Variants in KANSL2 observed in about 807,000 individuals in gnomAD.
KANSL2 encodes NSL complex protein NSL2.
Under a neutral mutation model 55.6 loss-of-function variants are expected in KANSL2, and 34 were observed. The ratio of observed to expected loss-of-function variants is 0.61; its 90% CI spans 0.46 to 0.81. The LOEUF is 0.81. Among genes scored for constraint, KANSL2 ranks in the 40% least tolerant of loss-of-function variants. The pLI, the probability that KANSL2 is intolerant of heterozygous loss-of-function variation, is 0.00. For synonymous variants in KANSL2, 209 were observed against 214.3 expected (o/e 0.98, Z 0.22); for missense variants, 502 against 609.9 (o/e 0.82, Z 1.86).
At chr12:48,664,253 G>A (rs548802156) in intron 7 of KANSL2, among the ~76,000 whole-genome samples, 3 of 147,074 alleles carry the variant, frequency 2.0e-5, no homozygotes, top group Admixed American at 7.0e-5. Flanking sequence ...TCTGCCCATA[G>A]CCTCTGCCCA....
rs11547851 is a variant in KANSL2 at position 48,679,679 on chromosome 12, G to A, written c.406C>T (p.Arg136Cys). 7 of 1,613,494 alleles carry A rather than the reference G, an allele frequency of 4.3e-6. No homozygotes were observed. Among genetic ancestry groups the A allele is most frequent in the East Asian group, 2.2e-5 (1 of 44,880 alleles). Reference sequence around the variant, plus strand: ...CCTAGTATTCGGCTGGCTTCACTGCGACTACTTTCTGGAGTCTGAGACCCC... The same window carrying A: ...CCTAGTATTCGGCTGGCTTCACTGCAACTACTTTCTGGAGTCTGAGACCCC... ...ELGSQTPESS[R>C]SEASRILDED... Residue 136 changes from arginine to cysteine, a missense_variant, in exon 3 of 10, where the codon CGC (arginine) becomes TGC (cysteine). Coordinates refer to ENST00000420613, the MANE Select transcript of KANSL2 (RefSeq NM_017822.4).
chr12:48,669,730 C>T (rs1370503383), intron 5 of KANSL2, among the ~76,000 whole-genome samples: 2 of 151,772 alleles, frequency 1.3e-5, no homozygotes, highest in Non-Finnish European at 2.9e-5. Flanking sequence ...ATTGTGGTCT[C>T]GATCTCCTGA....
intron 8 of KANSL2, among the ~76,000 whole-genome samples, 178 bp downstream of exon 8, chr12:48,660,188 T>C (rs1236519367): frequency 2.0e-5 from 3 of 152,108 alleles, no homozygotes; most frequent in Non-Finnish European, 4.4e-5. Flanking sequence ...TGGAAAAAAA[T>C]ATAAGGTAGG....
rs1359154266 is a variant in KANSL2 at position 48,679,993 on chromosome 12, C to T, written c.252-160G>A. ...AGGAATTTAACTGGCCCAAGGTCAACTCATTTGACTTTATTAAAGGGAAAT... is the reference window on the plus strand; with the variant it reads ...AGGAATTTAACTGGCCCAAGGTCAATTCATTTGACTTTATTAAAGGGAAAT... On this transcript the variant is annotated intron_variant, in intron 2 of 9. Coordinates refer to ENST00000420613, the MANE Select transcript of KANSL2 (RefSeq NM_017822.4). The T allele has an allele frequency of 6.4e-6, 4 of 625,070 alleles. No individual in the cohort carries two copies. The African/African-American group carries it at 7.4e-5, about 12-fold the overall frequency. 38.7% of individuals were successfully genotyped at this position (625,070 alleles called of 1,614,324 possible).
chr12:48,680,409 C>G (rs1939900213), intron 2 of KANSL2, among the ~76,000 whole-genome samples: 1 of 152,090 alleles, frequency 6.6e-6, no homozygotes, highest in Admixed American at 6.6e-5. Flanking sequence ...CTGGGTTGGT[C>G]TCCAACTCCT....
At chr12:48,654,398 T>C (rs1395749283) in intron 9 of KANSL2, 3 of 760,564 alleles carry the variant, frequency 3.9e-6, no homozygotes, top group African/African-American at 1.7e-5. Context: ...TTCTTCCAAA[T>C]GAAATAGCCA....
intron 4 of KANSL2, 45 bp downstream of exon 4, chr12:48,678,991 C>G: frequency 7.4e-7 from 1 of 1,356,998 alleles, no homozygotes; most frequent in South Asian, 1.2e-5. Context: ...CTACATTCCA[C>G]ATACTAACTA....
intron 7 of KANSL2, chr12:48,661,147 TA>T (rs1004172059): frequency 6.8e-6 from 4 of 591,178 alleles, no homozygotes; most frequent in South Asian, 7.6e-5. Flanking sequence ...AGAGCTCTAG[TA>T]AAAGTCACTA....
chr12:48,679,280 A>G, intron 3 of KANSL2, 130 bp from the exon 4 acceptor site: 1 of 730,126 alleles, frequency 1.4e-6, no homozygotes, highest in Non-Finnish European at 2.4e-6. Flanking sequence ...AACACTTAGT[A>G]CAAAGGTACT....
At chr12:48,663,979 A>C (rs796277057) in intron 7 of KANSL2, among the ~76,000 whole-genome samples, 98 of 133,542 alleles carry the variant, frequency 7.3e-4, no homozygotes, top group African/African-American at 2.6e-3. Context: ...GTGCAATGGC[A>C]CGATATCGGC....
chr12:48,664,879 CTTTTTTTTT>C (rs367566566), intron 7 of KANSL2, among the ~76,000 whole-genome samples: 1 of 94,660 alleles, frequency 1.1e-5, no homozygotes. Flanking sequence ...ACTGCGCCCG[CTTTTTTTTT>C]TTTTTTTTTT....
rs532021758 is a variant in KANSL2, at chr12:48,660,699, A to T, written c.974-80T>A. On this transcript the variant is annotated intron_variant, in intron 7 of 9. Transcript: ENST00000420613. ...CAAATAGCATTGTCTGCCACATAAA[A>T]CTCAAGGTGTGGACTATATAAGATA... is the stretch of plus-strand genomic sequence containing the variant. The T allele has an allele frequency of 6.1e-5, 87 of 1,417,508 alleles. 4 individuals carry two copies. In the South Asian group the frequency reaches 1.1e-3, roughly 18 times the overall value. 87.8% of individuals were successfully genotyped at this position (1,417,508 alleles called of 1,614,324 possible).
Position 48,679,037 on chromosome 12 carries a change from T to C in KANSL2, c.544A>G (p.Lys182Glu), listed in dbSNP as rs1283709792. 6.2e-7 allele frequency: 1 copy of C among 1,607,290 alleles called. No individual in the cohort carries two copies. Among genetic ancestry groups the C allele is most frequent in the Non-Finnish European group, 8.5e-7 (1 of 1,174,020 alleles). Reference protein sequence around the residue: ...SIDSDQEDPLKHAGVYTAEEV... With the variant: ...SIDSDQEDPLEHAGVYTAEEV... ...GCCTTATGTGGAGTTACAACTTACT[T>C]TAGGGGATCTTCTTGATCACTGTCT... is the stretch of plus-strand genomic sequence containing the variant. The change falls in exon 4 of 10, where the codon AAA (lysine) becomes GAA (glutamate). Residue 182 changes from lysine (K) to glutamate (E), a missense_variant and splice_region_variant. By Grantham distance (56) the Lys-to-Glu change is moderately conservative. Coordinates refer to ENST00000420613, the MANE Select transcript of KANSL2 (RefSeq NM_017822.4).
At position 48,676,651 on chromosome 12, in the gene KANSL2, T is replaced by C. The variant is rs536115083; in HGVS notation, c.545+2385A>G. On this transcript the variant is annotated intron_variant, in intron 4 of 9. Coordinates refer to ENST00000420613, the MANE Select transcript of KANSL2 (RefSeq NM_017822.4). The stretch of plus-strand genomic sequence containing the variant: ...CCAGCCTGGGTGACAAGAGTGAAAC[T>C]TCGTGTCAAAAAAAAAAAGTGCGAG... 3.9e-5 allele frequency among the ~76,000 whole-genome samples: 6 copies of C among 152,006 alleles called. No homozygotes were observed. The East Asian group carries it at 1.2e-3, about 29-fold the overall frequency.
chr12:48,671,290 T>A (rs1000383936), intron 5 of KANSL2, among the ~76,000 whole-genome samples: 29 of 104,748 alleles, frequency 2.8e-4, no homozygotes, highest in African/African-American at 4.7e-4. Flanking sequence ...AAAAAAAAAA[T>A]GAAAGTAAAA....
chr12:48,659,377 A>G (rs1029647690), intron 8 of KANSL2, among the ~76,000 whole-genome samples: 1 of 152,024 alleles, frequency 6.6e-6, no homozygotes, highest in East Asian at 1.9e-4. Flanking sequence ...AGGTAAGAGG[A>G]TCACTTGAGG....
chr12:48,663,987 G>A (rs960904334), intron 7 of KANSL2, among the ~76,000 whole-genome samples: 8 of 136,352 alleles, frequency 5.9e-5, no homozygotes, highest in South Asian at 4.7e-4. Context: ...GCACGATATC[G>A]GCTCACCGCC....
Position 48,679,086 on chromosome 12 carries a change from G to T in KANSL2, c.495C>A (p.Asp165Glu), listed in dbSNP as rs373249835. The T allele has an allele frequency of 7.6e-4, 1,223 of 1,613,754 alleles. 30 individuals carry two copies. The South Asian group carries it at 0.013, about 17-fold the overall frequency. ...CTATGCTATCAGCTTCACTGTCAGG[G>T]TCACCTCTCCATGTCTGATCCACAG... ...PITVDQTWRGDPDSEADSIDS... is the reference protein window; with the variant it reads ...PITVDQTWRGEPDSEADSIDS... The change falls in exon 4 of 10, where the codon GAC becomes GAA. Residue 165 changes from aspartate to glutamate, a missense_variant. Asp to Glu is a conservative substitution (Grantham distance 45). Transcript: ENST00000420613.
rs756549500 is a variant in KANSL2, at chr12:48,681,334, T to C, written c.251+48A>G. On this transcript the variant is annotated intron_variant, in intron 2 of 9. Transcript: ENST00000420613. ...ATGCTGAAGCCCGCATCATATCACATACCCCCTCGCTTTAAGAAAAACGAC... is the reference window on the plus strand; with the variant it reads ...ATGCTGAAGCCCGCATCATATCACACACCCCCTCGCTTTAAGAAAAACGAC... 7.0e-5 allele frequency: 108 copies of C among 1,550,042 alleles called. 1 individual carries two copies. The East Asian group carries it at 1.6e-3, about 23-fold the overall frequency.
Sources: gnomAD v4.1 joint callset for allele counts (sites outside exome capture counted in the v4.1 genomes callset) on GRCh38, gnomAD v4.1.1 for gene constraint, MANE v1.5 for transcripts, NCBI Gene and HGNC (gene_info 2026-07-23, HGNC 2026-07-21) for gene names.